Variants in PHLDB2 observed in about 807,000 individuals in gnomAD.
PHLDB2 encodes the protein pleckstrin homology-like domain family B member 2.
Under a neutral mutation model 123.6 loss-of-function variants are expected in PHLDB2, and 71 were observed. That is an observed-to-expected ratio of 0.57 (90% CI 0.47 to 0.70). The LOEUF is 0.70. Ranked by LOEUF, PHLDB2 falls within the 30% of genes least tolerant of loss-of-function variation. The pLI, the probability that PHLDB2 is intolerant of heterozygous loss-of-function variation, is 0.00. For synonymous variants in PHLDB2, 547 were observed against 541.6 expected, an observed-to-expected ratio of 1.01 and a Z score of -0.14; for missense variants, 1,446 against 1,519.5, an observed-to-expected ratio of 0.95 and a Z score of 0.80.
chr3:111,961,906 A>G (rs565680283), intron 12 of PHLDB2: 47 of 529,540 alleles, frequency 8.9e-5, no homozygotes, highest in African/African-American at 8.6e-4. Context: ...GGGGTAAGAG[A>G]CTCAGCAGAC....
At chr3:111,784,847 C>A (rs767942844) in intron 1 of PHLDB2, among the ~76,000 whole-genome samples, 3 of 152,046 alleles carry the variant, frequency 2.0e-5, no homozygotes, top group Non-Finnish European at 4.4e-5. Context: ...ATTACTTGAA[C>A]ATGTCATACC....
At chr3:111,834,702 A>T (rs1016508798) in intron 1 of PHLDB2, among the ~76,000 whole-genome samples, 11 of 152,008 alleles carry the variant, frequency 7.2e-5, no homozygotes, top group Admixed American at 2.0e-4. Context: ...CTGCCAAATT[A>T]TTGAGACCAA....
intron 1 of PHLDB2, among the ~76,000 whole-genome samples, chr3:111,788,336 T>C (rs532417848): frequency 5.3e-5 from 8 of 152,310 alleles, no homozygotes; most frequent in Middle Eastern, 3.4e-3. Flanking sequence ...AGTGACATAG[T>C]GATAAATTCA....
At position 111,885,168 on chromosome 3, in the gene PHLDB2, C is replaced by T. The variant is rs1197971875; in HGVS notation, c.1091C>T (p.Pro364Leu). ...CAGGCTTCATATGTGGGGACAAACC[C>T]GAGTCATTCACTTCTTGCTGGAGAG... ...FDQASYVGTN[P>L]SHSLLAGESD... Residue 364 changes from proline (P) to leucine (L), a missense_variant, in exon 2 of 18, where the codon CCG (proline) becomes CTG (leucine). Physicochemically the swap from Pro to Leu is moderately conservative, Grantham distance 98. Coordinates refer to ENST00000431670, the MANE Select transcript of PHLDB2 (RefSeq NM_001134438.2). 4.3e-6 allele frequency: 7 copies of T among 1,613,942 alleles called. No individual in the cohort carries two copies. The highest frequency in any genetic ancestry group is 4.5e-5 in the East Asian group (2 of 44,880).
chr3:111,891,782 C>G (rs939925206), intron 2 of PHLDB2, among the ~76,000 whole-genome samples: 3 of 152,056 alleles, frequency 2.0e-5, no homozygotes, highest in African/African-American at 7.2e-5. Context: ...TGACACCTGC[C>G]TTCCTCCAAG....
intron 1 of PHLDB2, among the ~76,000 whole-genome samples, chr3:111,814,268 C>G (rs1462489840): frequency 6.6e-6 from 1 of 151,606 alleles, no homozygotes; most frequent in African/African-American, 2.4e-5. Flanking sequence ...AATCAGCTGC[C>G]AGTGCAGCTA....
chr3:111,946,427 T>C (rs77126436), intron 9 of PHLDB2, among the ~76,000 whole-genome samples: 4,198 of 152,264 alleles, frequency 0.028, 128 homozygotes, highest in South Asian at 0.13. Flanking sequence ...GACAGTGGAG[T>C]TTGGACTCTT....
intron 1 of PHLDB2, among the ~76,000 whole-genome samples, chr3:111,868,021 A>G (rs892869605): frequency 6.6e-6 from 1 of 151,762 alleles, no homozygotes; most frequent in South Asian, 2.1e-4. Flanking sequence ...AAAAAAAATG[A>G]CAGGATCTTG....
chr3:111,967,192 G>A (rs2071834923), intron 14 of PHLDB2, among the ~76,000 whole-genome samples: 1 of 152,176 alleles, frequency 6.6e-6, no homozygotes, highest in South Asian at 2.1e-4. Context: ...ATCCTGCCCT[G>A]AAGGGCACCT....
chr3:111,734,124 A>G (rs1298729126), intron 1 of PHLDB2, among the ~76,000 whole-genome samples: 1 of 152,300 alleles, frequency 6.6e-6, no homozygotes, highest in African/African-American at 2.4e-5. Context: ...GCTACCTCTC[A>G]AGAATGTTGT....
intron 1 of PHLDB2, among the ~76,000 whole-genome samples, chr3:111,742,701 A>G (rs934564701): frequency 1.6e-4 from 24 of 152,184 alleles, no homozygotes; most frequent in Non-Finnish European, 3.2e-4. Flanking sequence ...TTCTTAATCC[A>G]GTCTAAAGTT....
At chr3:111,734,782 A>C (rs4682300) in intron 1 of PHLDB2, among the ~76,000 whole-genome samples, 1 of 152,172 alleles carries the variant, frequency 6.6e-6, no homozygotes, top group Admixed American at 6.5e-5. Flanking sequence ...CCATAAGGTC[A>C]TGGAGTTGAC....
intron 1 of PHLDB2, among the ~76,000 whole-genome samples, chr3:111,808,739 T>A (rs2061707164): frequency 6.6e-6 from 1 of 152,224 alleles, no homozygotes; most frequent in South Asian, 2.1e-4. Context: ...GAGGCCTGGA[T>A]AAGTCTCCTG....
At chr3:111,751,165 TG>T in intron 1 of PHLDB2, among the ~76,000 whole-genome samples, 1 of 121,022 alleles carries the variant, frequency 8.3e-6, no homozygotes, top group South Asian at 2.8e-4. Context: ...AAGGAGACAA[TG>T]GGGTGTGTGT....
intron 1 of PHLDB2, among the ~76,000 whole-genome samples, chr3:111,827,423 C>A (rs986517897): frequency 6.6e-6 from 1 of 152,140 alleles, no homozygotes; most frequent in African/African-American, 2.4e-5. Flanking sequence ...CGCCTGTAAT[C>A]CCAGCACTTT....
intron 1 of PHLDB2, among the ~76,000 whole-genome samples, chr3:111,756,792 G>T (rs1179373319): frequency 6.6e-6 from 1 of 152,170 alleles, no homozygotes; most frequent in Non-Finnish European, 1.5e-5. Flanking sequence ...GGTACCTGTT[G>T]TTCCTTTCCA....
chr3:111,787,626 T>A (rs1451362750), intron 1 of PHLDB2, among the ~76,000 whole-genome samples: 1 of 152,176 alleles, frequency 6.6e-6, no homozygotes, highest in African/African-American at 2.4e-5. Context: ...TACTCTAGGC[T>A]TTCTCTTCTG....
chr3:111,811,135 A>G (rs2061818609), intron 1 of PHLDB2, among the ~76,000 whole-genome samples: 1 of 152,224 alleles, frequency 6.6e-6, no homozygotes, highest in Admixed American at 6.5e-5. Context: ...GATATTTCTC[A>G]GGAGGATTTA....
intron 3 of PHLDB2, chr3:111,917,728 C>CT (rs2068260780): frequency 1.3e-5 from 2 of 152,188 alleles, no homozygotes; most frequent in Admixed American, 1.3e-4. Context: ...ATCGTTGAAT[C>CT]ACTTTAGAAA....
Sources: allele counts gnomAD v4.1 joint callset (sites outside exome capture counted in the v4.1 genomes callset), GRCh38; gene constraint gnomAD v4.1.1; transcripts MANE v1.5; gene names NCBI Gene and HGNC (gene_info 2026-07-23, HGNC 2026-07-21).